The following C8orf34 variants were observed in gnomAD, a reference collection of about 807,000 sequenced individuals.
The protein encoded by C8orf34 is uncharacterized protein C8orf34.
In C8orf34, 65 loss-of-function variants were observed where a neutral mutation model predicts 68.3. The ratio of observed to expected loss-of-function variants is 0.95; its 90% CI spans 0.78 to 1.17. The LOEUF (loss-of-function observed/expected upper bound fraction) is 1.17, where lower values mean the gene tolerates loss of function less well. Among genes scored for constraint, C8orf34 ranks in the 50% most tolerant of loss-of-function variants. The pLI is 0.00. For synonymous variants in C8orf34, 244 were observed against 241.2 expected (o/e 1.01, Z -0.11); for missense variants, 664 against 655.4 (o/e 1.01, Z -0.14).
chr8:68,741,187 T>TTA (rs1346633153), intron 10 of C8orf34, among the ~76,000 whole-genome samples: 1 of 152,162 alleles, frequency 6.6e-6, no homozygotes, highest in Non-Finnish European at 1.5e-5. Flanking sequence ...ACAAGTTTAC[T>TTA]TATATAACAA....
At chr8:68,411,181 G>A (rs1421908559) in intron 1 of C8orf34, among the ~76,000 whole-genome samples, 2 of 152,112 alleles carry the variant, frequency 1.3e-5, no homozygotes, top group African/African-American at 4.8e-5. Flanking sequence ...GTATATATGT[G>A]TAAGATCATT....
At chr8:68,592,593 CTTCT>C (rs537363219) in intron 7 of C8orf34, among the ~76,000 whole-genome samples, 1,242 of 116,722 alleles carry the variant, frequency 0.011, 48 homozygotes, top group African/African-American at 0.018. Flanking sequence ...CAATTTATCT[CTTCT>C]TTTTTTTTTT....
chr8:68,802,127 T>A (rs2129529605), intron 12 of C8orf34, among the ~76,000 whole-genome samples: 1 of 152,122 alleles, frequency 6.6e-6, no homozygotes, highest in East Asian at 1.9e-4. Flanking sequence ...TGAGATGGAG[T>A]TTTGCTCTTG....
intron 5 of C8orf34, among the ~76,000 whole-genome samples, chr8:68,508,043 T>C (rs1814101829): frequency 6.6e-6 from 1 of 152,190 alleles, no homozygotes; most frequent in Admixed American, 6.5e-5. Context: ...GTGAATTTAA[T>C]ATTTTCACAA....
At chr8:68,423,001 A>T (rs969102594) in intron 1 of C8orf34, among the ~76,000 whole-genome samples, 7 of 152,240 alleles carry the variant, frequency 4.6e-5, no homozygotes, top group Admixed American at 6.5e-5. Flanking sequence ...GTCCTGAGGC[A>T]GCACAGAGCA....
intron 1 of C8orf34, among the ~76,000 whole-genome samples, chr8:68,392,545 T>C (rs935983366): frequency 1.3e-5 from 2 of 152,100 alleles, no homozygotes; most frequent in African/African-American, 4.8e-5. Flanking sequence ...GCCTAGACTA[T>C]TATTTTTTTC....
intron 3 of C8orf34, among the ~76,000 whole-genome samples, chr8:68,448,259 T>C (rs576516667): frequency 6.6e-6 from 1 of 152,124 alleles, no homozygotes; most frequent in Non-Finnish European, 1.5e-5. Context: ...ATATATTCCT[T>C]TTTACTCAGG....
At chr8:68,704,467 A>G (rs1821107546) in intron 8 of C8orf34, among the ~76,000 whole-genome samples, 2 of 152,160 alleles carry the variant, frequency 1.3e-5, no homozygotes, top group Non-Finnish European at 2.9e-5. Flanking sequence ...AAGAGGATGA[A>G]TTTGCAGACA....
At chr8:68,331,411 C>T in intron 1 of C8orf34, 72 bp downstream of exon 1, 3 of 1,432,668 alleles carry the variant, frequency 2.1e-6, no homozygotes, top group Non-Finnish European at 2.8e-6. Flanking sequence ...ACAGAACACT[C>T]CCAATCCCAC....
chr8:68,558,571 G>T (rs115404579), intron 7 of C8orf34, among the ~76,000 whole-genome samples: 82 of 151,690 alleles, frequency 5.4e-4, no homozygotes, highest in African/African-American at 2.0e-3. Flanking sequence ...AATAGGAAAA[G>T]GATGAAAGAG....
At chr8:68,636,517 G>A (rs1169611887) in intron 7 of C8orf34, among the ~76,000 whole-genome samples, 1 of 152,016 alleles carries the variant, frequency 6.6e-6, no homozygotes, top group African/African-American at 2.4e-5. Flanking sequence ...CCTGGGAGGA[G>A]GAGGTTGCAG....
intron 5 of C8orf34, 53 bp from the exon 6 acceptor site, chr8:68,521,746 C>G (rs1403269937): frequency 6.7e-7 from 1 of 1,490,766 alleles, no homozygotes; most frequent in South Asian, 1.3e-5. Flanking sequence ...TCCCTGTTGT[C>G]CTGTTAATAA....
chr8:68,640,837 T>C (rs1043842267), intron 8 of C8orf34, among the ~76,000 whole-genome samples: 1 of 152,238 alleles, frequency 6.6e-6, no homozygotes, highest in African/African-American at 2.4e-5. Flanking sequence ...AAAGCCACTT[T>C]TAAAGCACCT....
At chr8:68,509,587 A>G (rs1322735187) in intron 5 of C8orf34, among the ~76,000 whole-genome samples, 1 of 152,172 alleles carries the variant, frequency 6.6e-6, no homozygotes, top group Non-Finnish European at 1.5e-5. Flanking sequence ...CCTGTTTGTG[A>G]AGAGAGAACC....
At chr8:68,617,984 C>A (rs369580052) in intron 7 of C8orf34, among the ~76,000 whole-genome samples, 2 of 152,066 alleles carry the variant, frequency 1.3e-5, no homozygotes, top group South Asian at 4.1e-4. Flanking sequence ...TTGTTCGTTT[C>A]TTTTTATTCT....
chr8:68,752,156 A>G (rs192962469), intron 10 of C8orf34, among the ~76,000 whole-genome samples: 1 of 152,330 alleles, frequency 6.6e-6, no homozygotes, highest in East Asian at 1.9e-4. Flanking sequence ...GAGGGAACGT[A>G]TCTCTGTTAA....
chr8:68,419,152 C>T (rs1809822383), intron 1 of C8orf34, among the ~76,000 whole-genome samples: 2 of 152,050 alleles, frequency 1.3e-5, no homozygotes, highest in African/African-American at 4.8e-5. Context: ...ACAACCCCAT[C>T]AAGAAGTGGG....
At chr8:68,446,746 T>C (rs763110925) in intron 3 of C8orf34, 3 of 388,328 alleles carry the variant, frequency 7.7e-6, no homozygotes, top group African/African-American at 4.1e-5. Context: ...TCATAGCCAA[T>C]TGTAGCATTA....
At chr8:68,696,333 A>T (rs1820834039) in intron 8 of C8orf34, among the ~76,000 whole-genome samples, 1 of 148,418 alleles carries the variant, frequency 6.7e-6, no homozygotes, top group African/African-American at 2.4e-5. Context: ...AACACATAAT[A>T]GATTATATTA....
Sources: allele counts gnomAD v4.1 joint callset (sites outside exome capture counted in the v4.1 genomes callset), GRCh38; gene constraint gnomAD v4.1.1; transcripts MANE v1.5; gene names NCBI Gene and HGNC (gene_info 2026-07-23, HGNC 2026-07-21).